Variants in GPI observed in about 807,000 individuals in gnomAD.
GPI encodes glucose-6-phosphate isomerase.
In GPI, 56 loss-of-function variants were observed where a neutral mutation model predicts 75.8. That is an observed-to-expected ratio of 0.74 (90% CI 0.60 to 0.92). The LOEUF is 0.92. Among genes scored for constraint, GPI ranks in the 40% least tolerant of loss-of-function variants. The probability of loss-of-function intolerance (pLI) is 0.00; values close to 1 mark genes in which losing one functional copy is unlikely to be tolerated. For synonymous variants in GPI, 288 were observed against 285.4 expected (o/e 1.01, Z -0.09); for missense variants, 638 against 741.0 (o/e 0.86, Z 1.61).
chr19:34,365,047 A>C (rs757045699), upstream of GPI: 27 of 1,503,882 alleles, frequency 1.8e-5, no homozygotes, highest in Non-Finnish European at 2.4e-5. Flanking sequence ...GAGGCCCCAG[A>C]TCAGCGGCCG....
intron 4 of GPI, among the ~76,000 whole-genome samples, chr19:34,369,429 G>A (rs2074416888): frequency 1.3e-5 from 2 of 152,124 alleles, no homozygotes; most frequent in Admixed American, 1.3e-4. Context: ...AACCCTGGCT[G>A]GGCGCGATGG....
At chr19:34,381,121 G>T (rs1468219770) in intron 8 of GPI, 6 of 405,832 alleles carry the variant, frequency 1.5e-5, no homozygotes, top group Admixed American at 3.6e-5. Context: ...AGATGTCCAG[G>T]GGTATCATGC....
At position 34,365,226 on chromosome 19, in the gene GPI, C is replaced by G; in HGVS notation, c.-41C>G. The G allele has an allele frequency of 1.4e-6, 2 of 1,447,032 alleles. No individual in the cohort carries two copies. The highest frequency in any genetic ancestry group is 1.8e-6 in the Non-Finnish European group (2 of 1,093,686). 89.6% of individuals were successfully genotyped at this position (1,447,032 alleles called of 1,614,324 possible). On this transcript the variant is annotated 5_prime_UTR_variant, in exon 1 of 18. Coordinates refer to ENST00000356487, the MANE Select transcript of GPI (RefSeq NM_000175.5). ...CTGCGCGCTGCCGGCGCTCCTTCCT[C>G]CTCGGCTCGCGTCTCACTCAGTGTA... is the stretch of plus-strand genomic sequence containing the variant.
intron 9 of GPI, among the ~76,000 whole-genome samples, chr19:34,390,866 G>A (rs1459299729): frequency 7.1e-6 from 1 of 140,620 alleles, no homozygotes; most frequent in African/African-American, 2.7e-5. Context: ...ACAGGTATGA[G>A]TATCTGGGTC....
At chr19:34,365,693 G>A (rs1437597226) in intron 1 of GPI, 7 of 562,706 alleles carry the variant, frequency 1.2e-5, no homozygotes, top group Non-Finnish European at 1.7e-5. Context: ...TTGAGCAGGG[G>A]CTCCTTTCGC....
intron 9 of GPI, among the ~76,000 whole-genome samples, chr19:34,387,016 C>T (rs1274914365): frequency 3.9e-5 from 6 of 152,188 alleles, no homozygotes; most frequent in East Asian, 1.9e-4. Flanking sequence ...AAGCCAGACA[C>T]AGGATGTGGA....
At chr19:34,372,021 C>T (rs1401869578) in intron 4 of GPI, among the ~76,000 whole-genome samples, 3 of 151,554 alleles carry the variant, frequency 2.0e-5, no homozygotes, top group Admixed American at 6.6e-5. Context: ...ACCTCCGCCT[C>T]CCAGGTTCAA....
chr19:34,378,898 A>G, intron 6 of GPI, 36 bp from the exon 7 acceptor site: 1 of 1,568,892 alleles, frequency 6.4e-7, no homozygotes, highest in South Asian at 1.1e-5. Context: ...CCCACCCCTA[A>G]GCTCGGGCGC....
At chr19:34,366,918 C>A (rs529832732) in intron 3 of GPI, 67 bp downstream of exon 3, 4 of 1,156,436 alleles carry the variant, frequency 3.5e-6, no homozygotes, top group African/African-American at 1.5e-5. Context: ...GACTGTTAGC[C>A]GCATCACCCT....
chr19:34,360,104 C>CA (rs1244226105), upstream of GPI, among the ~76,000 whole-genome samples: 2 of 152,168 alleles, frequency 1.3e-5, no homozygotes, highest in African/African-American at 4.8e-5. Context: ...GGCTCTGCAG[C>CA]ATGTTCTCTT....
intron 4 of GPI, among the ~76,000 whole-genome samples, chr19:34,369,540 C>T (rs1332564278): frequency 6.6e-6 from 1 of 151,968 alleles, no homozygotes; most frequent in Non-Finnish European, 1.5e-5. Context: ...AACCCCATCT[C>T]CACTAAAAAT....
chr19:34,394,952 G>A (rs950729646), intron 12 of GPI, among the ~76,000 whole-genome samples: 1 of 151,976 alleles, frequency 6.6e-6, no homozygotes, highest in Non-Finnish European at 1.5e-5. Context: ...GGCCTCAAGC[G>A]ATCCACCTGC....
chr19:34,369,676 C>G (rs1021370622), intron 4 of GPI, among the ~76,000 whole-genome samples: 1 of 150,662 alleles, frequency 6.6e-6, no homozygotes, highest in African/African-American at 2.5e-5. Context: ...CACTGCACTC[C>G]AGCCTGGGCG....
intron 9 of GPI, among the ~76,000 whole-genome samples, chr19:34,387,895 C>T (rs1223826494): frequency 6.6e-6 from 1 of 152,132 alleles, no homozygotes; most frequent in East Asian, 1.9e-4. Flanking sequence ...GGGTCAGACA[C>T]AGGTGAGACC....
intron 7 of GPI, 120 bp from the exon 8 acceptor site, chr19:34,379,398 C>T (rs2074605841): frequency 1.1e-6 from 1 of 931,194 alleles, no homozygotes; most frequent in Non-Finnish European, 1.8e-6. Flanking sequence ...CTCCAACAGT[C>T]TCAGAACCAA....
chr19:34,376,563 CAA>C (rs35716159), intron 4 of GPI, among the ~76,000 whole-genome samples: 65 of 87,966 alleles, frequency 7.4e-4, no homozygotes, highest in Admixed American at 1.3e-3. Context: ...GACCCTGTCT[CAA>C]AAAAAAAAAA....
At chr19:34,373,445 T>G (rs2074485900) in intron 4 of GPI, among the ~76,000 whole-genome samples, 1 of 149,662 alleles carries the variant, frequency 6.7e-6, no homozygotes, top group Non-Finnish European at 1.5e-5. Flanking sequence ...TAGTCCCAGT[T>G]ACTTGGGAGG....
intron 1 of GPI, 36 bp from the exon 2 acceptor site, chr19:34,366,309 C>T (rs777050721): frequency 7.5e-7 from 1 of 1,330,230 alleles, no homozygotes; most frequent in Non-Finnish European, 1.1e-6. Flanking sequence ...CTAGGGAGAC[C>T]AGGGTGTGGT....
At chr19:34,375,950 C>T (rs1195814330) in intron 4 of GPI, among the ~76,000 whole-genome samples, 11 of 152,246 alleles carry the variant, frequency 7.2e-5, no homozygotes, top group Admixed American at 7.2e-4. Context: ...CTTTCCCCAG[C>T]ATAGCCCAGT....
Sources: gnomAD v4.1 joint callset for allele counts (sites outside exome capture counted in the v4.1 genomes callset) on GRCh38, gnomAD v4.1.1 for gene constraint, MANE v1.5 for transcripts, NCBI Gene and HGNC (gene_info 2026-07-23, HGNC 2026-07-21) for gene names.